KLHL23: variants seen among roughly 807,000 people sequenced by gnomAD.
The protein encoded by KLHL23 is kelch like family member 23.
Under a neutral mutation model 48.9 loss-of-function variants are expected in KLHL23, and 33 were observed. The observed-to-expected ratio is 0.67, with a 90% CI of 0.51 to 0.90. The LOEUF is 0.90. KLHL23 is among the 40% of genes least tolerant of loss of function. The pLI, the probability that KLHL23 is intolerant of heterozygous loss-of-function variation, is 0.00. For missense variants in KLHL23, 608 were observed against 669.6 expected, an observed-to-expected ratio of 0.91 and a Z score of 1.02; for synonymous variants, 234 against 231.6, an observed-to-expected ratio of 1.01 and a Z score of -0.09.
chr2:169,736,643 G>A (rs548925853), intron 2 of KLHL23, among the ~76,000 whole-genome samples: 151 of 152,232 alleles, frequency 9.9e-4, no homozygotes, highest in African/African-American at 3.5e-3. Context: ...GTCTGCTTTT[G>A]CAATTCAGTC....
At chr2:169,749,338 G>A in intron 3 of KLHL23, 84 bp from the exon 4 acceptor site, 1 of 1,370,776 alleles carries the variant, frequency 7.3e-7, no homozygotes, top group Non-Finnish European at 9.7e-7. Flanking sequence ...AAATTTTAAA[G>A]GATTATTACA....
In KLHL23 at chr2:169,735,649, T is replaced by C; in HGVS notation, c.635T>C (p.Val212Ala). The C allele has an allele frequency of 6.2e-7, 1 of 1,614,040 alleles. No individual in the cohort carries two copies. Among genetic ancestry groups the C allele is most frequent in the Non-Finnish European group, 8.5e-7 (1 of 1,180,022 alleles). Residue 212 changes from valine (V) to alanine (A), a missense_variant, in exon 2 of 4, where the codon GTA (valine) becomes GCA (alanine). Val to Ala is a moderately conservative substitution (Grantham distance 64, BLOSUM62 0). Coordinates refer to ENST00000392647, the MANE Select transcript of KLHL23 (RefSeq NM_144711.6). The surrounding 1 kb of genome is among the most constrained non-coding windows in gnomAD (Gnocchi z 4.5). Reference sequence around the variant, plus strand: ...GTTATTAAGTGGACTGCTCATGATGTAGAAAATCGAATTGAATGCCTCTAT... The same window carrying C: ...GTTATTAAGTGGACTGCTCATGATGCAGAAAATCGAATTGAATGCCTCTAT... ...EPVIKWTAHDVENRIECLYNL... is the reference protein window; with the variant it reads ...EPVIKWTAHDAENRIECLYNL...
At position 169,741,555 on chromosome 2, in the gene KLHL23, T is replaced by G; in HGVS notation, c.1366+18T>G. The G allele has an allele frequency of 6.2e-7, 1 of 1,606,432 alleles. No individual in the cohort carries two copies. The highest frequency in any genetic ancestry group is 8.5e-7 in the Non-Finnish European group (1 of 1,175,108). ...ACATCCAGGTAACAAAAATACTGTC[T>G]CAAATAGTGTATGTTGTGATGTAGT... On this transcript the variant is annotated intron_variant, in intron 3 of 3. Transcript: ENST00000392647.
At position 169,735,824 on chromosome 2, in the gene KLHL23, G is replaced by T. The variant is rs1334663701; in HGVS notation, c.810G>T (p.Arg270Ser). ...CCATGCATAAAGAGATTTCCCAGAG[G>T]TCCACAGCCACAATGTATATAATTG... ...LNPMHKEISQ[R>S]STATMYIIGG... The change falls in exon 2 of 4, where the codon AGG becomes AGT. Residue 270 changes from arginine (R) to serine (S), a missense_variant. Arg to Ser is a moderately radical substitution (Grantham distance 110). Transcript: ENST00000392647. The surrounding 1 kb of genome is among the most constrained non-coding windows in gnomAD (Gnocchi z 4.5). The T allele has an allele frequency of 6.2e-7, 1 of 1,613,904 alleles. No homozygotes were observed. The highest frequency in any genetic ancestry group is 8.5e-7 in the Non-Finnish European group (1 of 1,180,042).
At chr2:169,736,255 T>G in intron 2 of KLHL23, 28 bp downstream of exon 2, 1 of 1,564,818 alleles carries the variant, frequency 6.4e-7, no homozygotes, top group Non-Finnish European at 8.6e-7. Context: ...TTATTTTGTA[T>G]TTTTTAGATG....
intron 2 of KLHL23, among the ~76,000 whole-genome samples, chr2:169,739,395 C>A (rs1688620249): frequency 6.6e-6 from 1 of 152,136 alleles, no homozygotes; most frequent in South Asian, 2.1e-4. Context: ...CAGTAAGTAT[C>A]CTTTGCTACA....
At chr2:169,745,238 C>T (rs912584993) in intron 3 of KLHL23, among the ~76,000 whole-genome samples, 9 of 151,804 alleles carry the variant, frequency 5.9e-5, no homozygotes, top group East Asian at 2.0e-4. Context: ...CTTGGCTGGG[C>T]GCGGTGGCTC....
rs1311268191 is a variant in KLHL23 at position 169,735,499 on chromosome 2, T to A, written c.485T>A (p.Leu162Gln). Reference sequence around the variant, plus strand: ...CTAGAGAAGGAATCTCGAAGAATTCTATGTTCAAAGTTTAAGGAAGTGTGG... The same window carrying A: ...CTAGAGAAGGAATCTCGAAGAATTCAATGTTCAAAGTTTAAGGAAGTGTGG... ...PELEKESRRI[L>Q]CSKFKEVWQQ... The change falls in exon 2 of 4, where the codon CTA (leucine) becomes CAA (glutamine). Residue 162 changes from leucine to glutamine, a missense_variant. By Grantham distance (113) the Leu-to-Gln change is moderately radical (BLOSUM62 -2). Transcript: ENST00000392647. This position sits in a 1 kb window ranked among gnomAD's most constrained non-coding sequence, Gnocchi z 4.5. 1 of 1,614,072 alleles carries A rather than the reference T, an allele frequency of 6.2e-7. No individual in the cohort carries two copies. The highest frequency in any genetic ancestry group is 1.7e-5 in the Admixed American group (1 of 60,020).
rs1366237500 is a variant in KLHL23 at position 169,743,778 on chromosome 2, GT to G, written c.1366+2246del. ...ACTGACCTAGGGGGCCTGTGCCGTT[GT>G]TTTTCTTGCTCCCAGCTGGCTTTGC... is the stretch of plus-strand genomic sequence containing the variant. On this transcript the variant is annotated intron_variant, in intron 3 of 3. Transcript: ENST00000392647. 3.9e-5 allele frequency among the ~76,000 whole-genome samples: 6 copies of G among 152,216 alleles called. No homozygotes were observed. The South Asian group carries it at 1.2e-3, about 32-fold the overall frequency.
rs149836052 is a variant in KLHL23, at chr2:169,749,783, T to TA, written c.*58dup. The TA allele has an allele frequency of 0.094, 143,253 of 1,521,708 alleles. 7,291 individuals are homozygous for TA. Among genetic ancestry groups the TA allele is most frequent in the Middle Eastern group, 0.14 (783 of 5,590 alleles). The allele number at this position is 1,521,708 out of a possible 1,614,324, so 94.3% of individuals were successfully genotyped here. On this transcript the variant is annotated 3_prime_UTR_variant, in exon 4 of 4. Coordinates refer to ENST00000392647, the MANE Select transcript of KLHL23 (RefSeq NM_144711.6). ...ATCACTTTTTTGGAGTATAGTTTTA[T>TA]AAAAAAAGAATGCAGGGTTTGAAGT...
At chr2:169,747,999 C>T (rs181571147) in intron 3 of KLHL23, among the ~76,000 whole-genome samples, 125 of 152,232 alleles carry the variant, frequency 8.2e-4, no homozygotes, top group African/African-American at 2.9e-3. Flanking sequence ...TGATGTGTAC[C>T]TATAGTCCCA....
Position 169,735,719 on chromosome 2 carries a change from A to G in KLHL23, c.705A>G (p.Leu235=), listed in dbSNP as rs768227907. 2 of 1,614,028 alleles carry G rather than the reference A, an allele frequency of 1.2e-6. No individual in the cohort carries two copies. The highest frequency in any genetic ancestry group is 3.3e-5 in the Admixed American group (2 of 60,030). ...YINIDIDPVY[L]KTALGLQRSC... is the part of the protein sequence containing the mutation. ...ACATTGATATAGATCCAGTGTACTTAAAAACAGCCTTAGGCCTTCAAAGAA... is the reference window on the plus strand; with the variant it reads ...ACATTGATATAGATCCAGTGTACTTGAAAACAGCCTTAGGCCTTCAAAGAA... The change falls in exon 2 of 4, where the codon TTA becomes TTG. Residue 235 remains leucine (L), a synonymous_variant. Transcript: ENST00000392647. The surrounding 1 kb of genome is among the most constrained non-coding windows in gnomAD (Gnocchi z 4.5).
Position 169,735,572 on chromosome 2 carries a change from C to G in KLHL23, c.558C>G (p.Ile186Met). Residue 186 changes from isoleucine to methionine, a missense_variant, in exon 2 of 4, where the codon ATC (isoleucine) becomes ATG (methionine). Physicochemically the swap from Ile to Met is conservative, Grantham distance 10 (BLOSUM62 1). Coordinates refer to ENST00000392647, the MANE Select transcript of KLHL23 (RefSeq NM_144711.6). The surrounding 1 kb of genome is among the most constrained non-coding windows in gnomAD (Gnocchi z 4.5). ...LEISLEKFLF[I>M]LSRKNLSVWK... ...TCAGCCTTGAAAAGTTTCTCTTTAT[C>G]TTGTCCAGAAAGAATCTCAGTGTTT... 6.2e-7 allele frequency: 1 copy of G among 1,613,836 alleles called. No individual in the cohort carries two copies. Among genetic ancestry groups the G allele is most frequent in the Non-Finnish European group, 8.5e-7 (1 of 1,179,998 alleles).
chr2:169,748,813 CG>C (rs1688871204), intron 3 of KLHL23, among the ~76,000 whole-genome samples: 1 of 150,206 alleles, frequency 6.7e-6, no homozygotes, highest in African/African-American at 2.4e-5. Context: ...CCCCAGGACC[CG>C]GATCCCACAC....
At position 169,735,688 on chromosome 2, in the gene KLHL23, A is replaced by G. The variant is rs376556449; in HGVS notation, c.674A>G (p.Tyr225Cys). Residue 225 changes from tyrosine to cysteine, a missense_variant, in exon 2 of 4, where the codon TAT (tyrosine) becomes TGT (cysteine). This residue lies in a region of KLHL23 where 419 missense variants were observed against 473.1 expected (regional missense o/e 0.89). Transcript: ENST00000392647. The surrounding 1 kb of genome is among the most constrained non-coding windows in gnomAD (Gnocchi z 4.5). ...RIECLYNLLS[Y>C]INIDIDPVYL... ...GAATGCCTCTATAATCTACTGAGCT[A>G]TATCAACATTGATATAGATCCAGTG... 1.6e-5 allele frequency: 26 copies of G among 1,613,902 alleles called. No homozygotes were observed. Among genetic ancestry groups the G allele is most frequent in the East Asian group, 6.7e-5 (3 of 44,890 alleles).
chr2:169,749,816 C>G lies in KLHL23; in HGVS notation c.*84C>G. 6.8e-7 allele frequency: 1 copy of G among 1,474,382 alleles called. No individual in the cohort carries two copies. Among genetic ancestry groups the G allele is most frequent in the Non-Finnish European group, 9.1e-7 (1 of 1,097,722 alleles). The allele number at this position is 1,474,382 out of a possible 1,614,324, so 91.3% of individuals were successfully genotyped here. A position where few individuals can be genotyped will look rare whatever the true frequency, so the allele number is the denominator to read the frequency against. ...GAATGCAGGGTTTGAAGTTCCTTAC[C>G]TGATAATTGTGTCTGGCACATGATA... On this transcript the variant is annotated 3_prime_UTR_variant, in exon 4 of 4. Coordinates refer to ENST00000392647, the MANE Select transcript of KLHL23 (RefSeq NM_144711.6).
Position 169,735,825 on chromosome 2 carries a change from T to C in KLHL23, c.811T>C (p.Ser271Pro), listed in dbSNP as rs201684049. ...CATGCATAAAGAGATTTCCCAGAGG[T>C]CCACAGCCACAATGTATATAATTGG... ...NPMHKEISQR[S>P]TATMYIIGGY... The change falls in exon 2 of 4, where the codon TCC becomes CCC. Residue 271 changes from serine to proline, a missense_variant. By Grantham distance (74) the Ser-to-Pro change is moderately conservative (BLOSUM62 -1). Transcript: ENST00000392647. This position sits in a 1 kb window ranked among gnomAD's most constrained non-coding sequence, Gnocchi z 4.5. 1.2e-6 allele frequency: 2 copies of C among 1,614,070 alleles called. No homozygotes were observed. Among genetic ancestry groups the C allele is most frequent in the Non-Finnish European group, 1.7e-6 (2 of 1,180,026 alleles).
In KLHL23 at chr2:169,751,000, A is replaced by G. The variant is rs1299860761; in HGVS notation, c.*1268A>G. On this transcript the variant is annotated 3_prime_UTR_variant, in exon 4 of 4. Coordinates refer to ENST00000392647, the MANE Select transcript of KLHL23 (RefSeq NM_144711.6). Reference sequence around the variant, plus strand: ...AAGCTGCCAGTAACTAGATTTTGTGACTTAAGTCATTTAACCTCTCCTTGA... The same window carrying G: ...AAGCTGCCAGTAACTAGATTTTGTGGCTTAAGTCATTTAACCTCTCCTTGA... The G allele has an allele frequency of 6.6e-6, 1 of 152,220 alleles. No homozygotes were observed. The highest frequency in any genetic ancestry group is 1.5e-5 in the Non-Finnish European group (1 of 68,032). The allele number at this position is 152,220 out of a possible 1,614,324, so 9.4% of individuals were successfully genotyped here.
intron 2 of KLHL23, 173 bp from the exon 3 acceptor site, chr2:169,741,212 C>T: frequency 1.3e-6 from 1 of 750,690 alleles, no homozygotes; most frequent in East Asian, 2.8e-5. Context: ...CTCACCCTCT[C>T]TTAAGAGCAC....
Sources: gnomAD v4.1 joint callset for allele counts (sites outside exome capture counted in the v4.1 genomes callset) on GRCh38, gnomAD v4.1.1 for gene constraint, gnomAD v4.1.1 regional missense constraint, Gnocchi (gnomAD v3.1) non-coding constraint, MANE v1.5 for transcripts, NCBI Gene and HGNC (gene_info 2026-07-23, HGNC 2026-07-21) for gene names.